The following BACH2 variants were observed in gnomAD, a reference collection of about 807,000 sequenced individuals.
BACH2 encodes the protein BACH transcriptional regulator 2.
In BACH2, 5 loss-of-function variants were observed where a neutral mutation model predicts 61.8. That is an observed-to-expected ratio of 0.08 (90% CI 0.04 to 0.17). The LOEUF (loss-of-function observed/expected upper bound fraction) is 0.17, where lower values mean the gene tolerates loss of function less well. Among genes scored for constraint, BACH2 ranks in the 10% least tolerant of loss-of-function variants. BACH2 has a pLI of 1.00. For synonymous variants in BACH2, 446 were observed against 440.1 expected (o/e 1.01, Z -0.17); for missense variants, 824 against 1,091.1 (o/e 0.76, Z 3.45).
At chr6:90,089,307 C>A (rs915616953) in intron 4 of BACH2, among the ~76,000 whole-genome samples, 198 bp from the exon 5 acceptor site, 1 of 152,000 alleles carries the variant, frequency 6.6e-6, no homozygotes, top group African/African-American at 2.4e-5. Flanking sequence ...AACGCCTGGG[C>A]TCTGCCTACT....
intron 5 of BACH2, among the ~76,000 whole-genome samples, chr6:90,033,145 C>G (rs150318885): frequency 4.0e-5 from 6 of 150,930 alleles, no homozygotes; most frequent in Non-Finnish European, 7.4e-5. Context: ...CTCATAGGTG[C>G]GAATTGAACA....
At chr6:90,022,474 C>T (rs1366438099) in intron 5 of BACH2, among the ~76,000 whole-genome samples, 1 of 152,180 alleles carries the variant, frequency 6.6e-6, no homozygotes, top group African/African-American at 2.4e-5. Context: ...ATCCCAGCTA[C>T]TCAGGAGGCT....
intron 3 of BACH2, among the ~76,000 whole-genome samples, chr6:90,243,834 G>T (rs1770539317): frequency 1.3e-5 from 2 of 152,210 alleles, no homozygotes; most frequent in Non-Finnish European, 2.9e-5. Context: ...AAAACCATTA[G>T]AAGGCATCTA....
intron 4 of BACH2, among the ~76,000 whole-genome samples, chr6:90,131,754 TG>T (rs1448535885): frequency 6.6e-6 from 1 of 152,180 alleles, no homozygotes; most frequent in Non-Finnish European, 1.5e-5. Flanking sequence ...TTCAATTTTG[TG>T]GTATTGGTTC....
chr6:90,234,377 A>G (rs1770194969), intron 3 of BACH2, among the ~76,000 whole-genome samples: 1 of 152,248 alleles, frequency 6.6e-6, no homozygotes, highest in African/African-American at 2.4e-5. Context: ...GTGAGTTGAC[A>G]GTGAATAGAT....
At chr6:90,136,399 C>G (rs1462310860) in intron 4 of BACH2, among the ~76,000 whole-genome samples, 1 of 152,206 alleles carries the variant, frequency 6.6e-6, no homozygotes, top group African/African-American at 2.4e-5. Flanking sequence ...GAATCTCTGA[C>G]AAATCATTTA....
chr6:90,217,720 G>C (rs1219627656), intron 3 of BACH2, among the ~76,000 whole-genome samples: 1 of 152,136 alleles, frequency 6.6e-6, no homozygotes, highest in African/African-American at 2.4e-5. Flanking sequence ...AGGAAAAAAA[G>C]AATTTCATGA....
rs1195172063 is a variant in BACH2, at chr6:89,932,373, G to A, written c.*35C>T. ...GGCTGACTGAAGAACGCCTGGATGG[G>A]AGAGGTGTGCGGACTGGGAGGCAGA... On this transcript the variant is annotated 3_prime_UTR_variant, in exon 9 of 9. Transcript: ENST00000257749. The A allele has an allele frequency of 1.9e-6, 3 of 1,593,218 alleles. No homozygotes were observed. The highest frequency in any genetic ancestry group is 2.6e-6 in the Non-Finnish European group (3 of 1,165,350).
intron 5 of BACH2, among the ~76,000 whole-genome samples, chr6:90,046,474 T>C (rs905108606): frequency 3.3e-5 from 5 of 152,176 alleles, no homozygotes; most frequent in Non-Finnish European, 7.3e-5. Context: ...TCAGTTAATA[T>C]TTGTGGATCC....
intron 1 of BACH2, among the ~76,000 whole-genome samples, chr6:90,287,601 ATCT>A (rs754821942): frequency 6.6e-6 from 1 of 152,156 alleles, no homozygotes; most frequent in Non-Finnish European, 1.5e-5. Context: ...ATTAAAAATA[ATCT>A]TCTCTTTGTA....
intron 6 of BACH2, among the ~76,000 whole-genome samples, chr6:89,965,717 A>G (rs559075488): frequency 1.3e-4 from 20 of 152,362 alleles, no homozygotes; most frequent in African/African-American, 4.8e-4. Flanking sequence ...CAAGAACTGA[A>G]GTCATATTTT....
At chr6:90,039,936 T>G (rs954465604) in intron 5 of BACH2, among the ~76,000 whole-genome samples, 4 of 152,166 alleles carry the variant, frequency 2.6e-5, no homozygotes, top group Admixed American at 2.6e-4. Context: ...ATTGTTGGTC[T>G]TTTTCTGCCT....
chr6:90,103,029 A>ATATATATATTTTTT, intron 4 of BACH2, among the ~76,000 whole-genome samples: 7 of 21,164 alleles, frequency 3.3e-4, no homozygotes, highest in African/African-American at 4.8e-4. Context: ...ATATATATAT[A>ATATATATATTTTTT]TTTTTTTTTT....
chr6:90,039,504 C>A lies in BACH2; in HGVS notation c.-12-30648G>T, dbSNP rs575309085. On this transcript the variant is annotated intron_variant, in intron 5 of 8. Coordinates refer to ENST00000257749, the MANE Select transcript of BACH2 (RefSeq NM_021813.4). The stretch of plus-strand genomic sequence containing the variant: ...GGTTCAAGCGATTCTCCAGCCTCAG[C>A]CTCCTGAGTAGTCGGGACCACAGGT... Among the ~76,000 whole-genome samples, 63 of 152,288 alleles carry A rather than the reference C, an allele frequency of 4.1e-4. No homozygotes were observed. The South Asian group carries it at 0.011, about 26-fold the overall frequency.
At chr6:90,125,272 A>G (rs1195161620) in intron 4 of BACH2, among the ~76,000 whole-genome samples, 1 of 152,214 alleles carries the variant, frequency 6.6e-6, no homozygotes, top group Non-Finnish European at 1.5e-5. Flanking sequence ...TAGGCAAATT[A>G]ATGCAGCTGT....
At chr6:90,141,475 C>T (rs1784457283) in intron 4 of BACH2, among the ~76,000 whole-genome samples, 1 of 150,956 alleles carries the variant, frequency 6.6e-6, no homozygotes, top group African/African-American at 2.4e-5. Context: ...GCCACCATAC[C>T]CCGCCCCGAT....
At chr6:90,250,153 T>C (rs1162580805) in intron 3 of BACH2, among the ~76,000 whole-genome samples, 1 of 152,206 alleles carries the variant, frequency 6.6e-6, no homozygotes, top group Non-Finnish European at 1.5e-5. Flanking sequence ...ATATATGCCT[T>C]AAGGAAAAAG....
chr6:90,099,649 T>G (rs961526311), intron 4 of BACH2, among the ~76,000 whole-genome samples: 1 of 152,194 alleles, frequency 6.6e-6, no homozygotes, highest in Admixed American at 6.5e-5. Flanking sequence ...TTTCATTCCC[T>G]TCTAACTCTT....
intron 6 of BACH2, among the ~76,000 whole-genome samples, chr6:89,986,509 T>A (rs1776249192): frequency 1.3e-5 from 2 of 152,218 alleles, no homozygotes; most frequent in Admixed American, 1.3e-4. Context: ...AGTGAATGAT[T>A]TTTTTAAAGT....
Sources: gnomAD v4.1 joint callset for allele counts (sites outside exome capture counted in the v4.1 genomes callset) on GRCh38, gnomAD v4.1.1 for gene constraint, MANE v1.5 for transcripts, NCBI Gene and HGNC (gene_info 2026-07-23, HGNC 2026-07-21) for gene names.